RTEL1: variants seen among roughly 807,000 people sequenced by gnomAD.
The protein encoded by RTEL1 is regulator of telomere length.
Under a neutral mutation model 162.2 loss-of-function variants are expected in RTEL1, and 86 were observed. That is an observed-to-expected ratio of 0.53 (90% confidence interval 0.45 to 0.63). RTEL1 has a LOEUF of 0.63. RTEL1 is among the 30% of genes least tolerant of loss of function. The pLI, the probability that RTEL1 is intolerant of heterozygous loss-of-function variation, is 0.00. For synonymous variants in RTEL1, 958 were observed against 717.9 expected, an observed-to-expected ratio of 1.33 and a Z score of -5.35; for missense variants, 1,941 against 1,750.2, an observed-to-expected ratio of 1.11 and a Z score of -1.95.
Position 63,662,891 on chromosome 20 carries a change from T to TA in RTEL1, c.538+3dup. The TA allele has an allele frequency of 6.2e-7, 1 of 1,613,642 alleles. No individual in the cohort carries two copies. Among genetic ancestry groups the TA allele is most frequent in the Non-Finnish European group, 8.5e-7 (1 of 1,179,678 alleles). Reference sequence around the variant, plus strand: ...GTCATTTCTACAACAACGTAGAAGGTACAAGCAGCTGGGTGGGACCAGGGT... The same window carrying TA: ...GTCATTTCTACAACAACGTAGAAGGTAACAAGCAGCTGGGTGGGACCAGGGT... On this transcript the variant is annotated splice_region_variant and intron_variant, in intron 6 of 34. Transcript: ENST00000360203.
chr20:63,660,350 C>T (rs1312408041), intron 2 of RTEL1, among the ~76,000 whole-genome samples: 1 of 152,256 alleles, frequency 6.6e-6, no homozygotes, highest in Non-Finnish European at 1.5e-5. Context: ...TTGGGCAATA[C>T]CCGGCTTTCC....
At position 63,661,935 on chromosome 20, in the gene RTEL1, C is replaced by G. The variant is rs2090028347; in HGVS notation, c.387C>G (p.Thr129=). The change falls in exon 4 of 35, where the codon ACC becomes ACG. Residue 129 remains threonine (T), a synonymous_variant. Coordinates refer to ENST00000360203, the MANE Select transcript of RTEL1 (RefSeq NM_001283009.2). This position sits in a 1 kb window ranked among gnomAD's most constrained non-coding sequence, Gnocchi z 5.1. ...LTQVINELRN[T]SYRPKVCVLG... ...AGGTCATCAACGAGCTTCGGAACAC[C>G]TCCTACCGGTGGGTCAGACGAGTTT... The G allele has an allele frequency of 5.6e-6, 9 of 1,613,762 alleles. No homozygotes were observed. Among genetic ancestry groups the G allele is most frequent in the Non-Finnish European group, 6.8e-6 (8 of 1,179,726 alleles).
At position 63,690,944 on chromosome 20, in the gene RTEL1, G is replaced by A. The variant is rs779115892; in HGVS notation, c.2553G>A (p.Glu851=). ...SEQRAGSPGE[E]QAHSCSTLSL... is the part of the protein sequence containing the mutation. Reference sequence around the variant, plus strand: ...AGCGGGCGGGGAGCCCTGGCGAGGAGCAGGTACAGTTCCAGGGCCTTGGGA... The same window carrying A: ...AGCGGGCGGGGAGCCCTGGCGAGGAACAGGTACAGTTCCAGGGCCTTGGGA... The change falls in exon 27 of 35, where the codon GAG becomes GAA. Residue 851 remains glutamate (E), a synonymous_variant. Coordinates refer to ENST00000360203, the MANE Select transcript of RTEL1 (RefSeq NM_001283009.2). The A allele has an allele frequency of 4.6e-5, 72 of 1,549,336 alleles. No homozygotes were observed. Among genetic ancestry groups the A allele is most frequent in the Non-Finnish European group, 5.0e-5 (57 of 1,147,234 alleles).
intron 30 of RTEL1, 74 bp from the exon 31 acceptor site, chr20:63,694,298 A>AGG: frequency 1.2e-6 from 1 of 845,286 alleles, no homozygotes; most frequent in Non-Finnish European, 2.0e-6. Context: ...CTCCCTAGCC[A>AGG]GCCCTGCCCC....
Position 63,689,833 on chromosome 20 carries a change from G to A in RTEL1, c.2109G>A (p.Gln703=), listed in dbSNP as rs764545169. 8.1e-6 allele frequency: 13 copies of A among 1,611,162 alleles called. No homozygotes were observed. The highest frequency in any genetic ancestry group is 2.5e-6 in the Non-Finnish European group (3 of 1,179,780). Residue 703 remains glutamine (Q), a synonymous_variant, in exon 24 of 35, where the codon CAG becomes CAA. Coordinates refer to ENST00000360203, the MANE Select transcript of RTEL1 (RefSeq NM_001283009.2). ...QAIGRVIRHR[Q]DYGAVFLCDH... ...TCGGGCGAGTGATCCGGCACCGCCAGGACTACGGAGCTGTCTTCCTCTGTG... is the reference window on the plus strand; with the variant it reads ...TCGGGCGAGTGATCCGGCACCGCCAAGACTACGGAGCTGTCTTCCTCTGTG...
rs1188380966 is a variant in RTEL1 at position 63,689,253 on chromosome 20, G to A, written c.1878+121G>A. On this transcript the variant is annotated intron_variant, in intron 22 of 34. Transcript: ENST00000360203. ...GGTCCCCTCCTTGGGTCCCACGAGA[G>A]CGACTGCTGGCCCTGCTGGGAGCGT... is the stretch of plus-strand genomic sequence containing the variant. The A allele has an allele frequency of 6.9e-6, 7 of 1,011,356 alleles. No individual in the cohort carries two copies. The East Asian group carries it at 9.9e-5, about 14-fold the overall frequency. 62.6% of individuals were successfully genotyped at this position (1,011,356 alleles called of 1,614,324 possible).
chr20:63,678,223 G>C, intron 11 of RTEL1, 40 bp downstream of exon 11: 1 of 1,612,852 alleles, frequency 6.2e-7, no homozygotes, highest in Non-Finnish European at 8.5e-7. Flanking sequence ...GCTGGGTGGG[G>C]CCTCCTCCTT....
chr20:63,659,453 C>T lies in RTEL1; in HGVS notation c.51C>T (p.Pro17=), dbSNP rs769888088. 23 of 1,614,068 alleles carry T rather than the reference C, an allele frequency of 1.4e-5. No individual in the cohort carries two copies. Among genetic ancestry groups the T allele is most frequent in the East Asian group, 2.2e-5 (1 of 44,894 alleles). ...NGVTVDFPFQ[P]YKCQQEYMTK... ...TGACCGTAGACTTCCCTTTCCAGCC[C>T]TACAAATGCCAACAGGAGTACATGA... The change falls in exon 2 of 35, where the codon CCC becomes CCT. Residue 17 remains proline, a synonymous_variant. Coordinates refer to ENST00000360203, the MANE Select transcript of RTEL1 (RefSeq NM_001283009.2).
chr20:63,689,257 C>G (rs2090668236), intron 22 of RTEL1, 125 bp downstream of exon 22: 2 of 956,328 alleles, frequency 2.1e-6, no homozygotes, highest in Non-Finnish European at 3.1e-6. Context: ...ACGAGAGCGA[C>G]TGCTGGCCCT....
Position 63,694,401 on chromosome 20 carries a change from G to A in RTEL1, c.3022G>A (p.Val1008Met), listed in dbSNP as rs145335410. The change falls in exon 31 of 35, where the codon GTG becomes ATG. Residue 1008 changes from valine (V) to methionine (M), a missense_variant. Val to Met is a conservative substitution (Grantham distance 21). Transcript: ENST00000360203. ...AACGGCGCCGGATCCCAAGCTGACCGTGTCCACGGCTGCAGCCCAGCAGCT... is the reference window on the plus strand; with the variant it reads ...AACGGCGCCGGATCCCAAGCTGACCATGTCCACGGCTGCAGCCCAGCAGCT... ...GRTAPDPKLT[V>M]STAAAQQLDP... 507 of 1,606,904 alleles carry A rather than the reference G, an allele frequency of 3.2e-4. 1 individual carries two copies. The highest frequency in any genetic ancestry group is 8.7e-4 in the South Asian group (79 of 90,934).
At chr20:63,662,321 G>A (rs1173955556) in intron 4 of RTEL1, 1 of 805,110 alleles carries the variant, frequency 1.2e-6, no homozygotes, top group Non-Finnish European at 2.0e-6. Flanking sequence ...GGTTCCTGTG[G>A]CCGGACCAGT....
chr20:63,693,325 A>G, intron 30 of RTEL1, 42 bp downstream of exon 30: 1 of 1,607,650 alleles, frequency 6.2e-7, no homozygotes, highest in Non-Finnish European at 8.5e-7. Context: ...TCCTGCGTGG[A>G]AGGCAGTGTG....
chr20:63,693,504 ACCACCT>A (rs1568720423), intron 30 of RTEL1, among the ~76,000 whole-genome samples: 182 of 5,950 alleles, frequency 0.031, 23 homozygotes, highest in Middle Eastern at 0.1. Flanking sequence ...CACCTCCACC[ACCACCT>A]CCTCCACCAC....
rs1379959287 is a variant in RTEL1 at position 63,693,448 on chromosome 20, G to GCACCACCTCCACCACCTTCACCAC, written c.2992+178_2992+179insACCTTCACCACCACCACCTCCACC. ...TCCACCTCCACCACCAGCACCAGCA[G>GCACCACCTCCACCACCTTCACCAC]CACCACCTCCACCTCCACCTCCACC... On this transcript the variant is annotated intron_variant, in intron 30 of 34. Coordinates refer to ENST00000360203, the MANE Select transcript of RTEL1 (RefSeq NM_001283009.2). Among the ~76,000 whole-genome samples, 2 of 42,320 alleles carry GCACCACCTCCACCACCTTCACCAC rather than the reference G, an allele frequency of 4.7e-5. 1 individual carries two copies. Among genetic ancestry groups the GCACCACCTCCACCACCTTCACCAC allele is most frequent in the African/African-American group, 1.9e-4 (2 of 10,428 alleles). The allele number at this position is 42,320 out of a possible 152,430, so 27.8% of individuals were successfully genotyped here.
chr20:63,694,712 C>A, intron 31 of RTEL1, 29 bp from the exon 32 acceptor site: 2 of 1,550,866 alleles, frequency 1.3e-6, no homozygotes, highest in Non-Finnish European at 8.7e-7. Flanking sequence ...ACCCCAGCGC[C>A]ACTCTGAGCC....
chr20:63,684,454 C>T (rs991552917), intron 14 of RTEL1, among the ~76,000 whole-genome samples: 7 of 151,838 alleles, frequency 4.6e-5, no homozygotes, highest in East Asian at 3.9e-4. Context: ...CCCGGGTTCA[C>T]GCCATTCTCC....
In RTEL1 at chr20:63,688,382, G is replaced by C; in HGVS notation, c.1718G>C (p.Trp573Ser). The C allele has an allele frequency of 6.2e-7, 1 of 1,612,620 alleles. No individual in the cohort carries two copies. The highest frequency in any genetic ancestry group is 8.5e-7 in the Non-Finnish European group (1 of 1,179,952). Reference protein sequence around the residue: ...YPVMEKSLEFWRARDLARKME... With the variant: ...YPVMEKSLEFSRARDLARKME... ...GTCATGGAGAAGAGCCTGGAGTTCT[G>C]GCGGGTGCGTCTCCCCTGTGTTCTG... The change falls in exon 20 of 35, where the codon TGG (tryptophan) becomes TCG (serine). Residue 573 changes from tryptophan to serine, a missense_variant. Trp to Ser is a radical substitution (Grantham distance 177, BLOSUM62 -3). Transcript: ENST00000360203.
rs1158740097 is a variant in RTEL1, at chr20:63,661,261, T to C, written c.103-37T>C. On this transcript the variant is annotated intron_variant, in intron 2 of 34. Transcript: ENST00000360203. This position sits in a 1 kb window ranked among gnomAD's most constrained non-coding sequence, Gnocchi z 5.1. ...CAGCTTGTGTGGCCTCGCCTCTTCCTGGCTTCCCCGTAACCCTTGCTCCGA... is the reference window on the plus strand; with the variant it reads ...CAGCTTGTGTGGCCTCGCCTCTTCCCGGCTTCCCCGTAACCCTTGCTCCGA... The C allele has an allele frequency of 1.3e-6, 2 of 1,594,092 alleles. No homozygotes were observed. The highest frequency in any genetic ancestry group is 1.7e-6 in the Non-Finnish European group (2 of 1,166,264).
At chr20:63,679,808 TCC>T in intron 12 of RTEL1, 39 bp from the exon 13 acceptor site, 1 of 1,503,124 alleles carries the variant, frequency 6.7e-7, no homozygotes, top group African/African-American at 1.4e-5. Flanking sequence ...TGCAGTCTGG[TCC>T]CCCCGCCAGG....
Sources: allele counts gnomAD v4.1 joint callset (sites outside exome capture counted in the v4.1 genomes callset), GRCh38; gene constraint gnomAD v4.1.1; non-coding constraint Gnocchi (gnomAD v3.1); transcripts MANE v1.5; gene names NCBI Gene and HGNC (gene_info 2026-07-23, HGNC 2026-07-21).